Variants in CHST9 observed in about 807,000 individuals in gnomAD.
CHST9 encodes GalNAc-4-sulfotransferase 2.
CHST9 carries 41 observed loss-of-function variants against 44.4 expected under a neutral mutation model. That is an observed-to-expected ratio of 0.92 (90% CI 0.72 to 1.20). The LOEUF is 1.20. CHST9 is among the 50% of genes most tolerant of loss of function. CHST9 has a pLI of 0.00. For synonymous variants in CHST9, 171 were observed against 178.4 expected, an observed-to-expected ratio of 0.96 and a Z score of 0.33; for missense variants, 504 against 516.5, an observed-to-expected ratio of 0.98 and a Z score of 0.23.
intron 4 of CHST9, among the ~76,000 whole-genome samples, chr18:26,950,536 C>T (rs1414041449): frequency 6.6e-6 from 1 of 152,174 alleles, no homozygotes; most frequent in African/African-American, 2.4e-5. Context: ...GAATACTACT[C>T]AGCCATAAAA....
rs1218731825 is a variant in CHST9 at position 27,056,323 on chromosome 18, C to A, written c.122-7820G>T. Among the ~76,000 whole-genome samples, 3 of 152,216 alleles carry A rather than the reference C, an allele frequency of 2.0e-5. No individual in the cohort carries two copies. In the East Asian group the frequency reaches 5.8e-4, roughly 29 times the overall value. ...AAGGCAGGCTCAGAATCTTTTTTCA[C>A]ATGCACAAGGTTCCAGTTAGTGAAT... On this transcript the variant is annotated intron_variant, in intron 2 of 5. Coordinates refer to ENST00000618847, the MANE Select transcript of CHST9 (RefSeq NM_031422.6).
At chr18:26,936,866 A>G (rs2056002211) in intron 5 of CHST9, among the ~76,000 whole-genome samples, 2 of 152,222 alleles carry the variant, frequency 1.3e-5, no homozygotes, top group Non-Finnish European at 2.9e-5. Flanking sequence ...AATTTACATT[A>G]AATGGTAAAT....
At chr18:26,941,831 C>T (rs2056086855) in intron 5 of CHST9, among the ~76,000 whole-genome samples, 1 of 152,180 alleles carries the variant, frequency 6.6e-6, no homozygotes, top group Non-Finnish European at 1.5e-5. Context: ...GTTGTTTGTT[C>T]TCAGAGCTCA....
intron 4 of CHST9, among the ~76,000 whole-genome samples, chr18:26,994,344 T>C (rs566303386): frequency 1.3e-5 from 2 of 152,312 alleles, no homozygotes; most frequent in South Asian, 4.1e-4. Flanking sequence ...TACATAACAG[T>C]TATGATCAGC....
At chr18:27,012,786 CA>C (rs907903005) in intron 4 of CHST9, among the ~76,000 whole-genome samples, 1 of 152,146 alleles carries the variant, frequency 6.6e-6, no homozygotes, top group African/African-American at 2.4e-5. Flanking sequence ...CAAAATAAAA[CA>C]AAAGGTACAG....
rs188467000 is a variant in CHST9, at chr18:27,027,988, C to T, written c.161-3831G>A. Among the ~76,000 whole-genome samples, 570 of 152,262 alleles carry T rather than the reference C, an allele frequency of 3.7e-3. 2 individuals carry two copies. Among genetic ancestry groups the T allele is most frequent in the African/African-American group, 0.013 (541 of 41,564 alleles). Reference sequence around the variant, plus strand: ...GATCTCGGCTCACTGCAACCTCCTCCCACTGCAACCTCTGCCTCCTGGGTT... The same window carrying T: ...GATCTCGGCTCACTGCAACCTCCTCTCACTGCAACCTCTGCCTCCTGGGTT... On this transcript the variant is annotated intron_variant, in intron 3 of 5. Coordinates refer to ENST00000618847, the MANE Select transcript of CHST9 (RefSeq NM_031422.6).
chr18:26,976,675 G>A (rs949781034), intron 4 of CHST9, among the ~76,000 whole-genome samples: 1 of 152,122 alleles, frequency 6.6e-6, no homozygotes, highest in African/African-American at 2.4e-5. Flanking sequence ...CCGTGGATGG[G>A]AAGGAAAGCA....
chr18:27,000,622 G>GTCCA (rs1555675552), intron 4 of CHST9, among the ~76,000 whole-genome samples: 1 of 147,490 alleles, frequency 6.8e-6, no homozygotes, highest in Non-Finnish European at 1.5e-5. Context: ...TATTTGTTTT[G>GTCCA]TCTATCTATC....
chr18:27,143,534 T>TA (rs146434301), intron 1 of CHST9, among the ~76,000 whole-genome samples: 1,676 of 152,268 alleles, frequency 0.011, 19 homozygotes, highest in Non-Finnish European at 0.018. Context: ...TTTATTTTTT[T>TA]AAAAATACTG....
intron 4 of CHST9, among the ~76,000 whole-genome samples, chr18:27,017,943 GACA>G (rs2057174695): frequency 6.6e-6 from 1 of 152,122 alleles, no homozygotes; most frequent in Non-Finnish European, 1.5e-5. Context: ...CAAGTATGAT[GACA>G]ACATTAATGC....
At chr18:27,128,437 T>C (rs1294606829) in intron 2 of CHST9, among the ~76,000 whole-genome samples, 1 of 152,042 alleles carries the variant, frequency 6.6e-6, no homozygotes, top group East Asian at 1.9e-4. Context: ...GCCCGGCTAA[T>C]TTTTGTATTT....
At chr18:27,056,173 G>T (rs1020392054) in intron 2 of CHST9, among the ~76,000 whole-genome samples, 30 of 152,086 alleles carry the variant, frequency 2.0e-4, no homozygotes, top group African/African-American at 6.0e-4. Flanking sequence ...ATACTTGAAA[G>T]ATCTTGCAAT....
intron 4 of CHST9, among the ~76,000 whole-genome samples, chr18:26,965,803 C>A (rs2056457531): frequency 6.6e-6 from 1 of 152,120 alleles, no homozygotes; most frequent in African/African-American, 2.4e-5. Flanking sequence ...AATAAACTCA[C>A]AGAGATCAGA....
chr18:27,049,295 T>A (rs781457003), intron 2 of CHST9, among the ~76,000 whole-genome samples: 1 of 151,516 alleles, frequency 6.6e-6, no homozygotes, highest in Non-Finnish European at 1.5e-5. Context: ...GGAGAAGAAG[T>A]CAAGATGAGT....
intron 5 of CHST9, among the ~76,000 whole-genome samples, chr18:26,923,338 GTTAA>G (rs1223856829): frequency 6.6e-6 from 1 of 152,152 alleles, no homozygotes; most frequent in Admixed American, 6.5e-5. Context: ...AGTTGTTAGG[GTTAA>G]TTGTTTAGGT....
Position 26,916,309 on chromosome 18 carries a change from AG to A in CHST9, c.1281del (p.Tyr429IlefsTer6). ...LTRTERQLIY[D>X]FYYLDYLMFN... is the part of the protein sequence containing the mutation. Reference sequence around the variant, plus strand: ...AACATTAAATAGTCCAAGTAATAAAAGTCATAGATTAATTGTCTCTCAGTTC... The same window carrying A: ...AACATTAAATAGTCCAAGTAATAAAATCATAGATTAATTGTCTCTCAGTTC... On this transcript the variant is annotated frameshift_variant, in exon 6 of 6. Transcript: ENST00000618847. LOFTEE classifies it high-confidence loss of function. 6.2e-7 allele frequency: 1 copy of A among 1,603,414 alleles called. No individual in the cohort carries two copies. Among genetic ancestry groups the A allele is most frequent in the Non-Finnish European group, 8.5e-7 (1 of 1,171,540 alleles).
At chr18:26,944,160 G>T (rs757531027) in intron 5 of CHST9, among the ~76,000 whole-genome samples, 169 bp downstream of exon 5, 2 of 152,122 alleles carry the variant, frequency 1.3e-5, no homozygotes, top group Admixed American at 1.3e-4. Context: ...CAAAGAAAGC[G>T]CATGGTCATC....
chr18:26,918,504 C>CAT (rs35106517), intron 5 of CHST9, among the ~76,000 whole-genome samples: 52,551 of 149,326 alleles, frequency 0.35, 9,055 homozygotes, highest in Non-Finnish European at 0.38. Flanking sequence ...CACATGATTG[C>CAT]ATATATATAT....
intron 2 of CHST9, among the ~76,000 whole-genome samples, chr18:27,128,333 G>A (rs9948956): frequency 0.011 from 1,608 of 152,214 alleles, 24 homozygotes; most frequent in African/African-American, 0.033. Flanking sequence ...GCAGTGGCGC[G>A]ATCTTGGCTC....
Sources: gnomAD v4.1 joint callset for allele counts (sites outside exome capture counted in the v4.1 genomes callset) on GRCh38, gnomAD v4.1.1 for gene constraint, MANE v1.5 for transcripts, NCBI Gene and HGNC (gene_info 2026-07-23, HGNC 2026-07-21) for gene names.